Variants in MAGI2 observed in about 807,000 individuals in gnomAD.
The protein encoded by MAGI2 is membrane-associated guanylate kinase, WW and PDZ domain-containing protein 2.
In MAGI2, 35 loss-of-function variants were observed where a neutral mutation model predicts 133.3. That is an observed-to-expected ratio of 0.26 (90% CI 0.20 to 0.35). MAGI2 has a LOEUF of 0.35. Among genes scored for constraint, MAGI2 ranks in the 10% least tolerant of loss-of-function variants. The probability of loss-of-function intolerance (pLI) is 1.00; values close to 1 mark genes in which losing one functional copy is unlikely to be tolerated. For missense variants in MAGI2, 1,636 were observed against 1,863.4 expected, an observed-to-expected ratio of 0.88 and a Z score of 2.25; for synonymous variants, 729 against 710.6, an observed-to-expected ratio of 1.03 and a Z score of -0.41.
At chr7:79,052,000 T>G (rs946271392) in intron 1 of MAGI2, among the ~76,000 whole-genome samples, 7 of 152,126 alleles carry the variant, frequency 4.6e-5, no homozygotes, top group African/African-American at 1.4e-4. Flanking sequence ...GTTCTTATAA[T>G]TCCAAGTAGA....
intron 1 of MAGI2, among the ~76,000 whole-genome samples, chr7:79,154,868 C>A (rs2191808): frequency 0.79 from 119,787 of 152,124 alleles, 47,941 homozygotes; most frequent in Non-Finnish European, 0.87. Flanking sequence ...CTCTTGCAAA[C>A]AAACAAAACA....
chr7:78,274,137 T>C (rs1257957515), intron 9 of MAGI2, among the ~76,000 whole-genome samples: 1 of 152,216 alleles, frequency 6.6e-6, no homozygotes, highest in Non-Finnish European at 1.5e-5. Context: ...ATGTGCTTTT[T>C]GTTGATGCTG....
At position 78,713,829 on chromosome 7, in the gene MAGI2, G is replaced by A. The variant is rs987776222; in HGVS notation, c.419-86590C>T. On this transcript the variant is annotated intron_variant, in intron 2 of 21. Coordinates refer to ENST00000354212, the MANE Select transcript of MAGI2 (RefSeq NM_012301.4). The stretch of plus-strand genomic sequence containing the variant: ...ATGCATACAGAACGTTTTACCTCAC[G>A]TATTCTCAATTGATTTTCTAACTTT... 9.9e-5 allele frequency among the ~76,000 whole-genome samples: 15 copies of A among 152,124 alleles called. 1 individual carries two copies. The highest frequency in any genetic ancestry group is 6.8e-3 in the Middle Eastern group (2 of 294).
intron 2 of MAGI2, chr7:78,902,696 T>C (rs1325472184): frequency 6.6e-6 from 1 of 152,194 alleles, no homozygotes; most frequent in Non-Finnish European, 1.5e-5. Context: ...CATGCAAACT[T>C]TCCTTTTACC....
chr7:78,118,077 G>A (rs1193324368), intron 20 of MAGI2, among the ~76,000 whole-genome samples: 1 of 152,112 alleles, frequency 6.6e-6, no homozygotes, highest in African/African-American at 2.4e-5. Context: ...TTTGACAAAG[G>A]AGCAAAGGCA....
intron 4 of MAGI2, among the ~76,000 whole-genome samples, chr7:78,516,640 A>G (rs901088196): frequency 1.3e-5 from 2 of 152,178 alleles, no homozygotes; most frequent in Admixed American, 6.5e-5. Context: ...AGTGTGAGTC[A>G]TCACGCCCTG....
intron 1 of MAGI2, among the ~76,000 whole-genome samples, chr7:79,134,987 G>A (rs1473503301): frequency 1.3e-5 from 2 of 152,190 alleles, no homozygotes; most frequent in Admixed American, 6.6e-5. Flanking sequence ...GTGTTATGGG[G>A]TTGGCTGGGT....
intron 1 of MAGI2, among the ~76,000 whole-genome samples, chr7:79,279,561 T>C (rs1835473546): frequency 6.6e-6 from 1 of 152,120 alleles, no homozygotes; most frequent in Non-Finnish European, 1.5e-5. Context: ...CCCAGCACTT[T>C]GAAAGGCCCA....
chr7:78,539,461 T>C (rs1259645988), intron 3 of MAGI2, among the ~76,000 whole-genome samples: 1 of 150,228 alleles, frequency 6.7e-6, no homozygotes, highest in African/African-American at 2.4e-5. Flanking sequence ...TCAGGGATAT[T>C]GGTCTGTAGT....
At chr7:79,257,185 C>G (rs1023969567) in intron 1 of MAGI2, among the ~76,000 whole-genome samples, 1 of 151,884 alleles carries the variant, frequency 6.6e-6, no homozygotes, top group Non-Finnish European at 1.5e-5. Flanking sequence ...ATAATAGTCC[C>G]TTGCATTTAT....
intron 2 of MAGI2, among the ~76,000 whole-genome samples, chr7:78,655,999 A>AAAG (rs2151027213): frequency 7.7e-6 from 1 of 130,606 alleles, no homozygotes; most frequent in African/African-American, 2.7e-5. Flanking sequence ...AAAAAAAAAG[A>AAAG]AAAAGAAAAG....
At chr7:79,370,560 A>C (rs1842984689) in intron 1 of MAGI2, among the ~76,000 whole-genome samples, 1 of 152,106 alleles carries the variant, frequency 6.6e-6, no homozygotes, top group Admixed American at 6.5e-5. Flanking sequence ...ATAAAGAATC[A>C]TTTTGGGAAT....
chr7:78,901,053 T>C (rs528423449), intron 2 of MAGI2, among the ~76,000 whole-genome samples: 1 of 152,158 alleles, frequency 6.6e-6, no homozygotes, highest in East Asian at 1.9e-4. Context: ...GGAGCATGGA[T>C]AGATCAGTTA....
chr7:78,937,014 T>C (rs893787576), intron 2 of MAGI2, among the ~76,000 whole-genome samples: 5 of 151,998 alleles, frequency 3.3e-5, no homozygotes, highest in African/African-American at 9.7e-5. Flanking sequence ...GAATTCTAAA[T>C]ACCACTCTCT....
intron 2 of MAGI2, among the ~76,000 whole-genome samples, chr7:78,656,899 T>C (rs972299986): frequency 4.0e-5 from 6 of 151,430 alleles, no homozygotes; most frequent in Non-Finnish European, 7.4e-5. Context: ...AGAGAAAATA[T>C]TGGCAAAAAG....
intron 3 of MAGI2, among the ~76,000 whole-genome samples, chr7:78,591,704 TC>T (rs1345522729): frequency 6.6e-6 from 1 of 152,194 alleles, no homozygotes; most frequent in Non-Finnish European, 1.5e-5. Flanking sequence ...TCACCCACTC[TC>T]CCTAAAATGA....
Position 78,858,808 on chromosome 7 carries a change from C to T in MAGI2, c.418+148282G>A, listed in dbSNP as rs148494248. Among the ~76,000 whole-genome samples, 362 of 152,190 alleles carry T rather than the reference C, an allele frequency of 2.4e-3. 3 individuals carry two copies. Among genetic ancestry groups the T allele is most frequent in the African/African-American group, 8.3e-3 (343 of 41,500 alleles). ...GGATATCCTTGTTAACTTTCTGTCT[C>T]GTTGATCTCTCTAATGTTGACAGTG... On this transcript the variant is annotated intron_variant, in intron 2 of 21. Coordinates refer to ENST00000354212, the MANE Select transcript of MAGI2 (RefSeq NM_012301.4).
intron 2 of MAGI2, among the ~76,000 whole-genome samples, chr7:78,718,080 T>C (rs2151193233): frequency 6.6e-6 from 1 of 152,326 alleles, no homozygotes; most frequent in South Asian, 2.1e-4. Context: ...ATAGCTGAAT[T>C]CTTATTAGAG....
intron 1 of MAGI2, among the ~76,000 whole-genome samples, chr7:79,130,859 A>G (rs1820872866): frequency 6.6e-6 from 1 of 152,234 alleles, no homozygotes; most frequent in East Asian, 1.9e-4. Flanking sequence ...TAGCTTGGTT[A>G]TCTGTTGGAT....
Sources: gnomAD v4.1 joint callset for allele counts (sites outside exome capture counted in the v4.1 genomes callset) on GRCh38, gnomAD v4.1.1 for gene constraint, MANE v1.5 for transcripts, NCBI Gene and HGNC (gene_info 2026-07-23, HGNC 2026-07-21) for gene names.